MOB3B: variants seen among roughly 807,000 people sequenced by gnomAD.
MOB3B encodes the protein MOB kinase activator-like 2B.
MOB3B carries 7 observed loss-of-function variants against 18.7 expected under a neutral mutation model. That is an observed-to-expected ratio of 0.37 (90% CI 0.21 to 0.70). The LOEUF is 0.70. Ranked by LOEUF, MOB3B falls within the 30% of genes least tolerant of loss-of-function variation. The probability of loss-of-function intolerance (pLI) is 0.52; values close to 1 mark genes in which losing one functional copy is unlikely to be tolerated. For synonymous variants in MOB3B, 111 were observed against 99.9 expected (o/e 1.11, Z -0.66); for missense variants, 253 against 281.3 (o/e 0.90, Z 0.72).
At chr9:27,353,972 T>C (rs1821147100) in intron 3 of MOB3B, among the ~76,000 whole-genome samples, 1 of 152,254 alleles carries the variant, frequency 6.6e-6, no homozygotes, top group South Asian at 2.1e-4. Flanking sequence ...TCAGTTCAAG[T>C]TATCTTCAGC....
chr9:27,357,127 T>TAC (rs1554645160), intron 3 of MOB3B, among the ~76,000 whole-genome samples: 1 of 57,068 alleles, frequency 1.8e-5, no homozygotes, highest in Non-Finnish European at 3.9e-5. Context: ...TGCAAATATA[T>TAC]ATATATATAT....
chr9:27,394,581 A>G (rs901834480), intron 2 of MOB3B, among the ~76,000 whole-genome samples: 6 of 152,326 alleles, frequency 3.9e-5, no homozygotes, highest in Non-Finnish European at 8.8e-5. Flanking sequence ...AAGAAAAGGT[A>G]CAAAAGCCAC....
intron 2 of MOB3B, among the ~76,000 whole-genome samples, chr9:27,376,601 A>C (rs747845759): frequency 3.3e-5 from 5 of 152,248 alleles, no homozygotes; most frequent in Non-Finnish European, 5.9e-5. Context: ...AACATAAAAA[A>C]ATAGAATGGC....
intron 2 of MOB3B, among the ~76,000 whole-genome samples, chr9:27,436,277 C>T (rs955171624): frequency 2.6e-5 from 4 of 152,206 alleles, no homozygotes; most frequent in African/African-American, 9.7e-5. Flanking sequence ...TTATTTCTTT[C>T]ACTTGTTCAT....
chr9:27,398,794 C>T (rs529056759), intron 2 of MOB3B, among the ~76,000 whole-genome samples: 10 of 152,248 alleles, frequency 6.6e-5, no homozygotes, highest in Middle Eastern at 3.4e-3. Flanking sequence ...TTAAAAGTCA[C>T]GTATAATCTG....
intron 2 of MOB3B, among the ~76,000 whole-genome samples, chr9:27,389,641 C>T (rs933556453): frequency 3.3e-5 from 5 of 152,090 alleles, no homozygotes; most frequent in African/African-American, 7.2e-5. Context: ...TATGATTATC[C>T]GGTTCTTTCA....
In MOB3B at chr9:27,529,663, C is replaced by T; in HGVS notation, c.-307G>A. 1.0e-6 allele frequency: 1 copy of T among 985,432 alleles called. No homozygotes were observed. Among genetic ancestry groups the T allele is most frequent in the Non-Finnish European group, 1.2e-6 (1 of 829,924 alleles). 61.0% of individuals were successfully genotyped at this position (985,432 alleles called of 1,614,324 possible). On this transcript the variant is annotated 5_prime_UTR_variant, in exon 1 of 4. Transcript: ENST00000262244. The stretch of plus-strand genomic sequence containing the variant: ...TCGGGGCAGGTGGGGCGTCGCTTGC[C>T]AATCCACGCAAGGGACTCTGCCGCC...
At chr9:27,350,661 C>T (rs147066642) in intron 3 of MOB3B, among the ~76,000 whole-genome samples, 1 of 152,302 alleles carries the variant, frequency 6.6e-6, no homozygotes, top group Non-Finnish European at 1.5e-5. Flanking sequence ...AATCATGTTT[C>T]TTTGCTATTT....
chr9:27,402,876 C>G (rs1300869821), intron 2 of MOB3B, among the ~76,000 whole-genome samples: 1 of 152,216 alleles, frequency 6.6e-6, no homozygotes, highest in East Asian at 1.9e-4. Flanking sequence ...TGCTCAGAGA[C>G]AGCCAACAGC....
intron 2 of MOB3B, among the ~76,000 whole-genome samples, chr9:27,377,233 C>A (rs1385837798): frequency 2.0e-5 from 3 of 152,192 alleles, no homozygotes; most frequent in African/African-American, 4.8e-5. Context: ...TGGAGGGAGA[C>A]AACTGATCTG....
At chr9:27,376,100 G>T (rs1821486642) in intron 2 of MOB3B, among the ~76,000 whole-genome samples, 1 of 152,092 alleles carries the variant, frequency 6.6e-6, no homozygotes, top group African/African-American at 2.4e-5. Context: ...TACAATTAGA[G>T]TCATACTAAA....
chr9:27,409,314 T>G (rs1393448045), intron 2 of MOB3B, among the ~76,000 whole-genome samples: 2 of 152,210 alleles, frequency 1.3e-5, no homozygotes, highest in Non-Finnish European at 2.9e-5. Flanking sequence ...AGACACTATT[T>G]AATTCAGAGA....
At chr9:27,342,733 G>A (rs970124498) in intron 3 of MOB3B, among the ~76,000 whole-genome samples, 8 of 152,272 alleles carry the variant, frequency 5.3e-5, no homozygotes, top group African/African-American at 1.9e-4. Flanking sequence ...CTCCCGAGGT[G>A]CCGGGATTGC....
chr9:27,333,065 A>C (rs1820810572), intron 3 of MOB3B, among the ~76,000 whole-genome samples: 1 of 152,190 alleles, frequency 6.6e-6, no homozygotes, highest in Non-Finnish European at 1.5e-5. Flanking sequence ...CAAATACTAG[A>C]ACAATTATGC....
At chr9:27,486,356 TAAG>T (rs998584009) in intron 1 of MOB3B, among the ~76,000 whole-genome samples, 111 of 152,220 alleles carry the variant, frequency 7.3e-4, no homozygotes, top group African/African-American at 2.6e-3. Context: ...TTAAGACTTT[TAAG>T]AAGAAGATCT....
chr9:27,386,013 T>A (rs1355920817), intron 2 of MOB3B, among the ~76,000 whole-genome samples: 2 of 152,366 alleles, frequency 1.3e-5, no homozygotes, highest in East Asian at 3.9e-4. Flanking sequence ...ACTGGACACC[T>A]GGGTTGCTGT....
intron 3 of MOB3B, among the ~76,000 whole-genome samples, chr9:27,342,294 C>A (rs760450417): frequency 2.6e-5 from 4 of 152,136 alleles, no homozygotes; most frequent in Admixed American, 6.5e-5. Context: ...AATAAATAGT[C>A]CAATATTTAT....
Position 27,528,674 on chromosome 9 carries a change from T to C in MOB3B, c.-199+881A>G, listed in dbSNP as rs1298123838. On this transcript the variant is annotated intron_variant, in intron 1 of 3. Coordinates refer to ENST00000262244, the MANE Select transcript of MOB3B (RefSeq NM_024761.5). The stretch of plus-strand genomic sequence containing the variant: ...CGCCAGATGTTGGAAAGGCAAACAA[T>C]AGGGGAAACGCGGAGAAACAAAAGG... Among the ~76,000 whole-genome samples, 7 of 151,484 alleles carry C rather than the reference T, an allele frequency of 4.6e-5. No individual in the cohort carries two copies. In the East Asian group the frequency reaches 7.8e-4, roughly 17 times the overall value.
chr9:27,346,695 T>C (rs1174990153), intron 3 of MOB3B, among the ~76,000 whole-genome samples: 2 of 152,204 alleles, frequency 1.3e-5, no homozygotes, highest in Non-Finnish European at 2.9e-5. Context: ...ATCTCTATTT[T>C]AAAATTATAC....
Sources: gnomAD v4.1 joint callset for allele counts (sites outside exome capture counted in the v4.1 genomes callset) on GRCh38, gnomAD v4.1.1 for gene constraint, MANE v1.5 for transcripts, NCBI Gene and HGNC (gene_info 2026-07-23, HGNC 2026-07-21) for gene names.